Variants in KCNT2 observed in about 807,000 individuals in gnomAD.
KCNT2 encodes the protein potassium sodium-activated channel subfamily T member 2, also known as potassium channel subfamily T member 2.
KCNT2 carries 67 observed loss-of-function variants against 153.8 expected under a neutral mutation model. That is an observed-to-expected ratio of 0.44 (90% confidence interval 0.36 to 0.53). KCNT2 has a LOEUF of 0.53. KCNT2 is among the 20% of genes least tolerant of loss of function. The pLI is 0.00. For synonymous variants in KCNT2, 500 were observed against 458.8 expected (o/e 1.09, Z -1.15); for missense variants, 975 against 1,354.8 (o/e 0.72, Z 4.40).
intron 8 of KCNT2, among the ~76,000 whole-genome samples, chr1:196,432,968 G>A (rs536680204): frequency 6.6e-6 from 1 of 152,190 alleles, no homozygotes; most frequent in African/African-American, 2.4e-5. Context: ...AATCCCACAA[G>A]GCAACATTAT....
At chr1:196,568,661 G>A (rs1275610288) in intron 1 of KCNT2, among the ~76,000 whole-genome samples, 1 of 151,818 alleles carries the variant, frequency 6.6e-6, no homozygotes, top group African/African-American at 2.4e-5. Context: ...AGCTCAGGTG[G>A]TAATGCTCTT....
intron 13 of KCNT2, among the ~76,000 whole-genome samples, chr1:196,384,070 T>C (rs964591610): frequency 1.3e-5 from 2 of 152,206 alleles, no homozygotes; most frequent in Admixed American, 6.5e-5. Flanking sequence ...TGTGAGGTGA[T>C]GGATGTGCTA....
chr1:196,516,246 C>T (rs984381666), intron 1 of KCNT2, among the ~76,000 whole-genome samples: 1 of 152,126 alleles, frequency 6.6e-6, no homozygotes, highest in Non-Finnish European at 1.5e-5. Context: ...GAGGGGCAGG[C>T]CACCATCTTT....
intron 7 of KCNT2, among the ~76,000 whole-genome samples, chr1:196,466,610 T>C (rs916932925): frequency 6.6e-6 from 1 of 152,074 alleles, no homozygotes; most frequent in African/African-American, 2.4e-5. Flanking sequence ...ATACTATACA[T>C]ACATATTATG....
At chr1:196,379,314 T>C (rs1374293563) in intron 13 of KCNT2, among the ~76,000 whole-genome samples, 1 of 152,150 alleles carries the variant, frequency 6.6e-6, no homozygotes, top group African/African-American at 2.4e-5. Flanking sequence ...TTCATGCCTG[T>C]AATCCCAGAA....
intron 1 of KCNT2, among the ~76,000 whole-genome samples, chr1:196,563,012 T>A (rs2148928144): frequency 6.6e-6 from 1 of 151,980 alleles, no homozygotes; most frequent in East Asian, 1.9e-4. Context: ...GTCCCAAAAT[T>A]TGAGGTTTCT....
At chr1:196,515,125 A>C (rs1681944359) in intron 1 of KCNT2, among the ~76,000 whole-genome samples, 1 of 152,178 alleles carries the variant, frequency 6.6e-6, no homozygotes, top group African/African-American at 2.4e-5. Context: ...ATAATGATGG[A>C]AAAGGACTAT....
rs575268157 is a variant in KCNT2, at chr1:196,282,260, A to C, written c.2781+13T>G. Reference sequence around the variant, plus strand: ...ATCACAACTATCTTTTATTCTAGAGATTATTAACTTACAGAACAAAGAAAC... The same window carrying C: ...ATCACAACTATCTTTTATTCTAGAGCTTATTAACTTACAGAACAAAGAAAC... On this transcript the variant is annotated intron_variant, in intron 24 of 27. Coordinates refer to ENST00000294725, the MANE Select transcript of KCNT2 (RefSeq NM_198503.5). 8.3e-6 allele frequency: 12 copies of C among 1,443,768 alleles called. No homozygotes were observed. Among genetic ancestry groups the C allele is most frequent in the East Asian group, 2.3e-5 (1 of 44,008 alleles). 89.4% of individuals were successfully genotyped at this position (1,443,768 alleles called of 1,614,324 possible). A position where few individuals can be genotyped will look rare whatever the true frequency, so the allele number is the denominator to read the frequency against.
chr1:196,534,154 C>T (rs976029973), intron 1 of KCNT2, among the ~76,000 whole-genome samples: 4 of 151,866 alleles, frequency 2.6e-5, no homozygotes, highest in Non-Finnish European at 4.4e-5. Flanking sequence ...TGCACTACCT[C>T]GGAAACCACA....
chr1:196,266,232 C>T (rs1485741879), intron 25 of KCNT2, among the ~76,000 whole-genome samples: 1 of 152,026 alleles, frequency 6.6e-6, no homozygotes, highest in East Asian at 1.9e-4. Context: ...CACCCATTGG[C>T]AAAAGTTAAG....
intron 22 of KCNT2, among the ~76,000 whole-genome samples, chr1:196,296,789 T>C (rs1279704166): frequency 6.6e-6 from 1 of 152,124 alleles, no homozygotes; most frequent in African/African-American, 2.4e-5. Flanking sequence ...ATTTCAGTTC[T>C]CTCTGCCTTG....
At chr1:196,537,419 G>A (rs888510288) in intron 1 of KCNT2, among the ~76,000 whole-genome samples, 8 of 152,184 alleles carry the variant, frequency 5.3e-5, no homozygotes, top group South Asian at 2.1e-4. Flanking sequence ...CGTAATAGAC[G>A]GCACAGCTGC....
intron 1 of KCNT2, among the ~76,000 whole-genome samples, chr1:196,598,937 T>C (rs1572939679): frequency 6.6e-6 from 1 of 152,366 alleles, no homozygotes; most frequent in East Asian, 1.9e-4. Context: ...TCACCTTATC[T>C]TCTGCATTTT....
chr1:196,355,404 T>C (rs1181830955), intron 14 of KCNT2, among the ~76,000 whole-genome samples: 1 of 151,718 alleles, frequency 6.6e-6, no homozygotes, highest in Non-Finnish European at 1.5e-5. Flanking sequence ...ACCGGAAAGC[T>C]GTTTGCCATT....
chr1:196,416,428 A>G (rs1421471060), intron 12 of KCNT2, among the ~76,000 whole-genome samples: 2 of 152,092 alleles, frequency 1.3e-5, no homozygotes, highest in Non-Finnish European at 2.9e-5. Context: ...TGCATAGTAT[A>G]TATAGGGTTT....
chr1:196,353,821 G>T (rs1047361663), intron 14 of KCNT2, among the ~76,000 whole-genome samples: 5 of 151,914 alleles, frequency 3.3e-5, no homozygotes, highest in African/African-American at 4.8e-5. Flanking sequence ...TGCAGTAAAA[G>T]AACCTTATAT....
Position 196,608,421 on chromosome 1 carries a change from A to T in KCNT2, c.-112T>A, listed in dbSNP as rs1572966292. ...ACTAACAAGACGCTGTGGCCGAGAG[A>T]GGGATGGGAGAAGGGGAAGGGGACA... On this transcript the variant is annotated 5_prime_UTR_variant, in exon 1 of 28. Coordinates refer to ENST00000294725, the MANE Select transcript of KCNT2 (RefSeq NM_198503.5). 108 of 628,812 alleles carry T rather than the reference A, an allele frequency of 1.7e-4. No individual in the cohort carries two copies. Among genetic ancestry groups the T allele is most frequent in the Middle Eastern group, 5.8e-4 (2 of 3,426 alleles). The allele number at this position is 628,812 out of a possible 1,614,324, so 39.0% of individuals were successfully genotyped here. A position where few individuals can be genotyped will look rare whatever the true frequency, so the allele number is the denominator to read the frequency against.
intron 1 of KCNT2, among the ~76,000 whole-genome samples, chr1:196,563,262 C>A (rs1659655108): frequency 6.6e-6 from 1 of 151,610 alleles, no homozygotes; most frequent in African/African-American, 2.4e-5. Flanking sequence ...CACTTTTCTC[C>A]CATTCCTTTT....
intron 1 of KCNT2, among the ~76,000 whole-genome samples, chr1:196,503,897 G>A (rs945310773): frequency 6.6e-6 from 1 of 152,124 alleles, no homozygotes; most frequent in Non-Finnish European, 1.5e-5. Flanking sequence ...ACAGCTCACT[G>A]GAACACATGT....
Sources: gnomAD v4.1 joint callset for allele counts (sites outside exome capture counted in the v4.1 genomes callset) on GRCh38, gnomAD v4.1.1 for gene constraint, MANE v1.5 for transcripts, NCBI Gene and HGNC (gene_info 2026-07-23, HGNC 2026-07-21) for gene names.